Variants in PDE1C observed in about 807,000 individuals in gnomAD.
The protein encoded by PDE1C is phosphodiesterase 1C, also known as dual specificity calcium/calmodulin-dependent 3',5'-cyclic nucleotide phosphodiesterase 1C.
In PDE1C, 62 loss-of-function variants were observed where a neutral mutation model predicts 93.1. The observed-to-expected ratio is 0.67, with a 90% CI of 0.54 to 0.82. The LOEUF is 0.82. Among genes scored for constraint, PDE1C ranks in the 40% least tolerant of loss-of-function variants. The pLI is 0.00. For missense variants in PDE1C, 742 were observed against 884.6 expected (o/e 0.84, Z 2.04); for synonymous variants, 325 against 310.1 (o/e 1.05, Z -0.50).
chr7:31,795,270 T>C (rs1452488467), intron 16 of PDE1C, among the ~76,000 whole-genome samples: 4 of 151,872 alleles, frequency 2.6e-5, no homozygotes, highest in African/African-American at 9.7e-5. Flanking sequence ...TTAAATATAA[T>C]GTTAATAGAG....
At chr7:32,325,358 A>C (rs986512072) in intron 1 of PDE1C, among the ~76,000 whole-genome samples, 8 of 152,084 alleles carry the variant, frequency 5.3e-5, no homozygotes, top group African/African-American at 1.9e-4. Flanking sequence ...CAACAAGGCC[A>C]CTGCCTGAAG....
rs192483666 is a variant in PDE1C, at chr7:32,421,562, T to C, written c.310+6260A>G. On this transcript the variant is annotated intron_variant, in intron 1 of 1. Coordinates refer to the PDE1C transcript ENST00000672256. ...ATGGGCTCAGAGAAATTAGTGCCTA[T>C]AGCCAGGAAGTATGGGAGCCAATGA... Among the ~76,000 whole-genome samples the C allele has an allele frequency of 5.0e-4, 76 of 152,306 alleles. 1 individual carries two copies. Among genetic ancestry groups the C allele is most frequent in the Middle Eastern group, 3.4e-3 (1 of 294 alleles).
intron 3 of PDE1C, among the ~76,000 whole-genome samples, chr7:32,165,644 A>C (rs1433313143): frequency 6.6e-6 from 1 of 152,070 alleles, no homozygotes; most frequent in Non-Finnish European, 1.5e-5. Context: ...CAAGAACAGC[A>C]TGGGGGAAAT....
chr7:32,268,815 C>T (rs1810781300), intron 1 of PDE1C, among the ~76,000 whole-genome samples: 1 of 152,154 alleles, frequency 6.6e-6, no homozygotes, highest in Admixed American at 6.5e-5. Flanking sequence ...CATCCCCATA[C>T]CCCTTTTCTT....
intron 16 of PDE1C, chr7:31,786,894 TATCTATCTATCTATC>T (rs1397690322): frequency 2.2e-4 from 1 of 4,456 alleles, no homozygotes; most frequent in African/African-American, 2.7e-4. Flanking sequence ...TATATTATAT[TATCTATCTATCTATC>T]TATCTATCTA....
intron 17 of PDE1C, among the ~76,000 whole-genome samples, chr7:31,775,199 A>AT (rs1795747167): frequency 6.6e-6 from 1 of 152,314 alleles, no homozygotes; most frequent in African/African-American, 2.4e-5. Flanking sequence ...ACTGGGCTAA[A>AT]TTTACAAGCA....
At chr7:32,363,581 AT>A (rs1220558168) in intron 1 of PDE1C, among the ~76,000 whole-genome samples, 1 of 152,264 alleles carries the variant, frequency 6.6e-6, no homozygotes, top group African/African-American at 2.4e-5. Context: ...TTACAGGAAG[AT>A]TTCCAAGCAG....
chr7:31,961,462 G>A (rs991721997), intron 2 of PDE1C, among the ~76,000 whole-genome samples: 1 of 152,030 alleles, frequency 6.6e-6, no homozygotes, highest in Non-Finnish European at 1.5e-5. Flanking sequence ...TATTTTATAT[G>A]TAGTATCAGA....
At chr7:32,016,683 A>G (rs948361314) in intron 2 of PDE1C, among the ~76,000 whole-genome samples, 1 of 152,236 alleles carries the variant, frequency 6.6e-6, no homozygotes, top group Non-Finnish European at 1.5e-5. Context: ...AGCCATTAAG[A>G]ATAATGCTTT....
the PDE1C span, among the ~76,000 whole-genome samples, chr7:31,662,972 T>C: frequency 6.6e-6 from 1 of 152,212 alleles, no homozygotes. Flanking sequence ...TAGTCTTAAC[T>C]CTTCCTTGTC....
intron 16 of PDE1C, among the ~76,000 whole-genome samples, chr7:31,794,430 ACT>A (rs917937744): frequency 2.0e-5 from 3 of 151,726 alleles, no homozygotes; most frequent in Admixed American, 6.6e-5. Context: ...ATGATGTTAA[ACT>A]CTTCCTCTCT....
In PDE1C at chr7:32,296,582, C is replaced by G. The variant is rs946093132; in HGVS notation, c.85+2069G>C. ...GAAGCGACCAGCTCATTTTTAGAGT[C>G]TCTTCTGACCACCAGACCATACCAA... On this transcript the variant is annotated intron_variant, in intron 1 of 18. Transcript: ENST00000396193. Among the ~76,000 whole-genome samples the G allele has an allele frequency of 2.6e-5, 4 of 152,176 alleles. 1 individual carries two copies. The South Asian group carries it at 8.3e-4, about 32-fold the overall frequency.
chr7:31,617,549 A>AATTATTTAAGAGAAAATACATCCTGATT, the PDE1C span, among the ~76,000 whole-genome samples: 1 of 152,122 alleles, frequency 6.6e-6, no homozygotes, highest in Admixed American at 6.5e-5. Flanking sequence ...GTTCAGACAA[A>AATTATTTAAGAGAAAATACATCCTGATT]ATTATTTAAG....
At chr7:31,953,759 T>C (rs1807734064) in intron 2 of PDE1C, among the ~76,000 whole-genome samples, 1 of 151,962 alleles carries the variant, frequency 6.6e-6, no homozygotes, top group Admixed American at 6.6e-5. Context: ...ACTCAAGGCC[T>C]GTTCCATGGT....
intron 16 of PDE1C, among the ~76,000 whole-genome samples, chr7:31,794,765 A>G (rs754079202): frequency 2.0e-5 from 3 of 151,944 alleles, no homozygotes; most frequent in Admixed American, 6.6e-5. Context: ...TGTCTGCACA[A>G]AAGAGTTTAG....
At chr7:32,032,726 C>A (rs1013418611) in intron 2 of PDE1C, among the ~76,000 whole-genome samples, 8 of 152,130 alleles carry the variant, frequency 5.3e-5, no homozygotes, top group African/African-American at 1.9e-4. Flanking sequence ...TATGCACCAA[C>A]CTGTGGAGCC....
the PDE1C span, among the ~76,000 whole-genome samples, chr7:31,674,866 CTGATA>C: frequency 6.6e-6 from 1 of 152,276 alleles, no homozygotes; most frequent in African/African-American, 2.4e-5. Context: ...CCACTTTCTT[CTGATA>C]TGTGTCACAA....
rs534188473 is a variant in PDE1C, at chr7:32,345,129, C to T, written c.310+82693G>A. On this transcript the variant is annotated intron_variant, in intron 1 of 1. Coordinates refer to the PDE1C transcript ENST00000672256. The stretch of plus-strand genomic sequence containing the variant: ...TTCTGGAAAAATTCCTCACACAGGG[C>T]CTCAGGATCCCCCATCCCTGAAATT... 5.9e-5 allele frequency among the ~76,000 whole-genome samples: 9 copies of T among 152,222 alleles called. No homozygotes were observed. The South Asian group carries it at 1.7e-3, about 28-fold the overall frequency.
intron 16 of PDE1C, chr7:31,785,058 A>G (rs1783781956): frequency 6.6e-6 from 1 of 152,244 alleles, no homozygotes; most frequent in African/African-American, 2.4e-5. Context: ...CCCATTCTAT[A>G]GCCATGGGGT....
Sources: gnomAD v4.1 joint callset for allele counts (sites outside exome capture counted in the v4.1 genomes callset) on GRCh38, gnomAD v4.1.1 for gene constraint, MANE v1.5 for transcripts, NCBI Gene and HGNC (gene_info 2026-07-23, HGNC 2026-07-21) for gene names.